The following MALRD1 variants were observed in gnomAD, a reference collection of about 807,000 sequenced individuals.
MALRD1 encodes the protein MAM and LDL-receptor class A domain-containing protein 1.
A neutral mutation model predicts 242.1 loss-of-function variants in MALRD1; 247 were observed. The ratio of observed to expected loss-of-function variants is 1.02; its 90% CI spans 0.92 to 1.13. MALRD1 has a LOEUF of 1.13. MALRD1 is among the 50% of genes most tolerant of loss of function. MALRD1 has a pLI of 0.00. For synonymous variants in MALRD1, 995 were observed against 866.6 expected (o/e 1.15, Z -2.60); for missense variants, 2,989 against 2,533.1 (o/e 1.18, Z -3.86).
At chr10:19,477,457 G>GAAATAAATAAATAAATAAAT (rs60939811) in intron 29 of MALRD1, among the ~76,000 whole-genome samples, 1 of 149,994 alleles carries the variant, frequency 6.7e-6, no homozygotes. Flanking sequence ...AGAGTAGTTG[G>GAAATAAATAAATAAATAAAT]AAATAAATAA....
chr10:19,466,849 A>G (rs547882353), intron 29 of MALRD1, among the ~76,000 whole-genome samples: 7 of 152,168 alleles, frequency 4.6e-5, no homozygotes, highest in Non-Finnish European at 7.3e-5. Flanking sequence ...TTTAAATAAT[A>G]TATATGACCC....
At chr10:19,079,932 A>T (rs1490533222) in intron 2 of MALRD1, among the ~76,000 whole-genome samples, 1 of 152,066 alleles carries the variant, frequency 6.6e-6, no homozygotes, top group Non-Finnish European at 1.5e-5. Flanking sequence ...TCAGGATGCA[A>T]AATCAGTGTG....
chr10:19,473,407 C>T (rs1369176928), intron 29 of MALRD1, among the ~76,000 whole-genome samples: 4 of 151,978 alleles, frequency 2.6e-5, no homozygotes, highest in African/African-American at 9.7e-5. Flanking sequence ...GTTCAACCAT[C>T]ACCATCATCC....
At chr10:19,657,939 G>T (rs2131725333) in intron 36 of MALRD1, among the ~76,000 whole-genome samples, 1 of 152,116 alleles carries the variant, frequency 6.6e-6, no homozygotes, top group South Asian at 2.1e-4. Context: ...CCTGAGGTTG[G>T]GAGTTTGAGA....
chr10:19,255,785 A>G (rs1030052132), intron 18 of MALRD1, among the ~76,000 whole-genome samples: 1 of 152,048 alleles, frequency 6.6e-6, no homozygotes, highest in African/African-American at 2.4e-5. Flanking sequence ...GTTGGCCTTG[A>G]ATGCAGATAG....
At position 19,651,106 on chromosome 10, in the gene MALRD1, C is replaced by A. The variant is rs374497930; in HGVS notation, c.6137+35183C>A. Among the ~76,000 whole-genome samples the A allele has an allele frequency of 2.2e-4, 34 of 152,298 alleles. 1 individual carries two copies. Among genetic ancestry groups the A allele is most frequent in the African/African-American group, 7.5e-4 (31 of 41,568 alleles). ...TGGCATATTTTACACAATACCATTT[C>A]TCTTCTTTTTCTCTGTTTAAAAAAT... On this transcript the variant is annotated intron_variant, in intron 36 of 39. Coordinates refer to ENST00000454679, the MANE Select transcript of MALRD1 (RefSeq NM_001142308.3).
intron 36 of MALRD1, among the ~76,000 whole-genome samples, chr10:19,633,467 G>C (rs1839997217): frequency 6.6e-6 from 1 of 152,136 alleles, no homozygotes; most frequent in Non-Finnish European, 1.5e-5. Flanking sequence ...AAAGCAGAGT[G>C]AGAGTAGCTG....
chr10:19,491,765 T>G, intron 30 of MALRD1, 120 bp downstream of exon 30: 1 of 1,107,310 alleles, frequency 9.0e-7, no homozygotes, highest in Non-Finnish European at 1.2e-6. Flanking sequence ...TAGAGTAGAT[T>G]TAGAATAGCC....
At chr10:19,728,770 AAACT>A (rs1267323908) in intron 38 of MALRD1, among the ~76,000 whole-genome samples, 1 of 152,168 alleles carries the variant, frequency 6.6e-6, no homozygotes, top group Non-Finnish European at 1.5e-5. Flanking sequence ...ATGCATTTCA[AAACT>A]ACACTTCACT....
intron 39 of MALRD1, among the ~76,000 whole-genome samples, chr10:19,731,257 A>G (rs1835284440): frequency 6.6e-6 from 1 of 152,222 alleles, no homozygotes; most frequent in Admixed American, 6.5e-5. Context: ...AATGTATTAC[A>G]TCTTCCTTGG....
intron 29 of MALRD1, among the ~76,000 whole-genome samples, chr10:19,486,872 T>C (rs993664136): frequency 6.6e-6 from 1 of 152,162 alleles, no homozygotes; most frequent in Non-Finnish European, 1.5e-5. Context: ...TAGTTTTCAA[T>C]TGATGTCACT....
At chr10:19,393,613 T>TA (rs1491420988) in intron 28 of MALRD1, among the ~76,000 whole-genome samples, 1 of 74,120 alleles carries the variant, frequency 1.3e-5, no homozygotes, top group Non-Finnish European at 3.2e-5. Flanking sequence ...GCCTGGCTAA[T>TA]TTTTTTTTTT....
chr10:19,706,680 G>T (rs1053995848), intron 38 of MALRD1, among the ~76,000 whole-genome samples: 6 of 152,048 alleles, frequency 3.9e-5, no homozygotes, highest in African/African-American at 1.4e-4. Context: ...AAAGGGCCGA[G>T]TGTTGTCTCC....
chr10:19,443,822 A>G (rs1308846716), intron 28 of MALRD1, among the ~76,000 whole-genome samples: 2 of 152,212 alleles, frequency 1.3e-5, no homozygotes, highest in Non-Finnish European at 2.9e-5. Flanking sequence ...AGAGTTCTGT[A>G]CATGTCTATT....
At chr10:19,633,839 TC>T (rs200698277) in intron 36 of MALRD1, 3,232 of 145,016 alleles carry the variant, frequency 0.022, 198 homozygotes, top group African/African-American at 0.081. Context: ...TTCTTTTCTT[TC>T]TTTTTTTTTT....
In MALRD1 at chr10:19,402,669, C is replaced by A. The variant is rs576973467; in HGVS notation, c.4845+13060C>A. The stretch of plus-strand genomic sequence containing the variant: ...ATGAATAAAATAAAATAGTTATTCC[C>A]TTAAAATCTTTCTTAATAAGCCAGG... On this transcript the variant is annotated intron_variant, in intron 28 of 39. Transcript: ENST00000454679. Among the ~76,000 whole-genome samples the A allele has an allele frequency of 2.6e-5, 4 of 152,220 alleles. No homozygotes were observed. In the South Asian group the frequency reaches 6.2e-4, roughly 24 times the overall value.
At chr10:19,085,817 G>A (rs1465423079) in intron 2 of MALRD1, among the ~76,000 whole-genome samples, 1 of 151,804 alleles carries the variant, frequency 6.6e-6, no homozygotes, top group South Asian at 2.1e-4. Flanking sequence ...TAATATCGTT[G>A]ACAAATAAAA....
intron 14 of MALRD1, among the ~76,000 whole-genome samples, chr10:19,175,740 G>C (rs1475808265): frequency 6.6e-6 from 1 of 151,906 alleles, no homozygotes; most frequent in South Asian, 2.1e-4. Flanking sequence ...AAGCAAAAAG[G>C]TTGTGTTTGG....
chr10:19,177,764 A>G (rs1180531749), intron 14 of MALRD1, among the ~76,000 whole-genome samples: 3 of 152,194 alleles, frequency 2.0e-5, no homozygotes, highest in African/African-American at 4.8e-5. Context: ...ACAAAAGGGT[A>G]TGATCCAATG....
Sources: allele counts gnomAD v4.1 joint callset (sites outside exome capture counted in the v4.1 genomes callset), GRCh38; gene constraint gnomAD v4.1.1; transcripts MANE v1.5; gene names NCBI Gene and HGNC (gene_info 2026-07-23, HGNC 2026-07-21).